HDAC9: variants seen among roughly 807,000 people sequenced by gnomAD.
HDAC9 encodes the protein MEF-2 interacting transcription repressor (MITR) protein.
Under a neutral mutation model 139.4 loss-of-function variants are expected in HDAC9, and 41 were observed. The ratio of observed to expected loss-of-function variants is 0.29; its 90% CI spans 0.23 to 0.38. HDAC9 has a LOEUF of 0.38. Among genes scored for constraint, HDAC9 ranks in the 10% least tolerant of loss-of-function variants. HDAC9 has a pLI of 1.00. For missense variants in HDAC9, 1,147 were observed against 1,297.0 expected (o/e 0.88, Z 1.78); for synonymous variants, 517 against 476.2 (o/e 1.09, Z -1.12).
rs1362363816 is a variant in HDAC9, at chr7:18,666,295, C to T, written c.1550C>T (p.Ala517Val). 4.3e-6 allele frequency: 7 copies of T among 1,613,364 alleles called. No individual in the cohort carries two copies. The highest frequency in any genetic ancestry group is 3.3e-5 in the Admixed American group (2 of 59,966). Residue 517 changes from alanine (A) to valine (V), a missense_variant, in exon 12 of 26, where the codon GCG becomes GTG. Ala to Val is a moderately conservative substitution (Grantham distance 64). Around this residue, in one of 7 missense-constraint regions of HDAC9, gnomAD observed 256 missense variants for 219.2 expected, o/e 1.17. Coordinates refer to ENST00000686413, the MANE Select transcript of HDAC9 (RefSeq NM_178425.4). Reference sequence around the variant, plus strand: ...GAGGAAGAGCTTCAGGGGGACCAGGCGATGCAGGAAGACAGAGCGCCCTCT... The same window carrying T: ...GAGGAAGAGCTTCAGGGGGACCAGGTGATGCAGGAAGACAGAGCGCCCTCT... Reference protein sequence around the residue: ...EAEEELQGDQAMQEDRAPSSG... With the variant: ...EAEEELQGDQVMQEDRAPSSG...
intron 8 of HDAC9, among the ~76,000 whole-genome samples, chr7:18,642,126 A>G (rs1785822664): frequency 6.6e-6 from 1 of 152,086 alleles, no homozygotes; most frequent in African/African-American, 2.4e-5. Context: ...ACGACATACC[A>G]GTTAAGAGTC....
chr7:18,820,424 C>A (rs963440065), intron 17 of HDAC9, among the ~76,000 whole-genome samples: 13 of 152,126 alleles, frequency 8.5e-5, no homozygotes, highest in Non-Finnish European at 8.8e-5. Flanking sequence ...GAATAGTAAT[C>A]TTATTTTAAA....
intron 19 of HDAC9, among the ~76,000 whole-genome samples, chr7:18,833,912 A>G (rs923765697): frequency 6.6e-6 from 1 of 152,248 alleles, no homozygotes; most frequent in African/African-American, 2.4e-5. Flanking sequence ...AGGTCATATA[A>G]GTCTCCTATG....
chr7:18,736,940 A>T (rs1162790453), intron 13 of HDAC9, among the ~76,000 whole-genome samples: 2 of 152,024 alleles, frequency 1.3e-5, no homozygotes, highest in Non-Finnish European at 2.9e-5. Flanking sequence ...CATAGATTCA[A>T]CTTCTTCCGG....
At chr7:18,889,103 C>G (rs1800440556) in intron 22 of HDAC9, among the ~76,000 whole-genome samples, 1 of 152,198 alleles carries the variant, frequency 6.6e-6, no homozygotes, top group African/African-American at 2.4e-5. Context: ...ACTCTCTACC[C>G]TACTCTATGC....
In HDAC9 at chr7:18,114,318, A is replaced by G. The variant is rs905230545; in HGVS notation, c.-97+27105A>G. On this transcript the variant is annotated intron_variant, in intron 1 of 12. Transcript: ENST00000417496. ...ACCTCATTGGCCACCCTTGGCTACA[A>G]TAGAGTTTGGGAATGTGAATATTTA... 1.1e-4 allele frequency among the ~76,000 whole-genome samples: 17 copies of G among 152,352 alleles called. 1 individual carries two copies. The East Asian group carries it at 3.1e-3, about 28-fold the overall frequency.
At chr7:18,965,219 G>A (rs919371899) in intron 24 of HDAC9, among the ~76,000 whole-genome samples, 1 of 152,050 alleles carries the variant, frequency 6.6e-6, no homozygotes, top group Non-Finnish European at 1.5e-5. Flanking sequence ...CTATGTACAG[G>A]GAGATAATTC....
intron 1 of HDAC9, among the ~76,000 whole-genome samples, chr7:18,484,903 T>TAAATTTA (rs1214023404): frequency 2.0e-5 from 3 of 151,954 alleles, no homozygotes; most frequent in Non-Finnish European, 4.4e-5. Context: ...TCTAGGGTTT[T>TAAATTTA]GAATTTAAAA....
chr7:18,186,331 T>G (rs955760041), intron 2 of HDAC9, among the ~76,000 whole-genome samples: 3 of 152,246 alleles, frequency 2.0e-5, no homozygotes, highest in African/African-American at 7.2e-5. Context: ...AGTCTTGATA[T>G]TTCCCAACTG....
intron 1 of HDAC9, among the ~76,000 whole-genome samples, chr7:18,138,527 G>GGTGTGT (rs71014309): frequency 0.1 from 14,901 of 142,482 alleles, 882 homozygotes; most frequent in East Asian, 0.14. Flanking sequence ...GAGAGAGAGA[G>GGTGTGT]GTGTGTGTGT....
intron 25 of HDAC9, among the ~76,000 whole-genome samples, chr7:18,994,417 A>C (rs1027823456): frequency 6.6e-6 from 1 of 152,184 alleles, no homozygotes; most frequent in African/African-American, 2.4e-5. Flanking sequence ...TTGATAGAAA[A>C]GACTTTTCTG....
intron 17 of HDAC9, 34 bp from the exon 18 acceptor site, chr7:18,829,127 A>G (rs1320240345): frequency 1.3e-6 from 2 of 1,513,332 alleles, no homozygotes; most frequent in South Asian, 2.2e-5. Flanking sequence ...TCTCCATTAT[A>G]TCTGACCATT....
chr7:18,748,927 T>C lies in HDAC9; in HGVS notation c.1910-78T>C, dbSNP rs1445151274. ...TTTAAGAATAATGACTTTTTTGGAG[T>C]TATCATATTATCTCCTAACATGTGT... On this transcript the variant is annotated intron_variant, in intron 13 of 25. Transcript: ENST00000686413. The C allele has an allele frequency of 2.3e-6, 3 of 1,316,312 alleles. No individual in the cohort carries two copies. The Admixed American group carries it at 7.0e-5, about 31-fold the overall frequency. The allele number at this position is 1,316,312 out of a possible 1,614,324, so 81.5% of individuals were successfully genotyped here.
chr7:18,194,711 A>T (rs535254806), intron 2 of HDAC9, among the ~76,000 whole-genome samples: 2 of 152,318 alleles, frequency 1.3e-5, no homozygotes, highest in African/African-American at 4.8e-5. Flanking sequence ...TTAAATAAAC[A>T]GGCAAACAGC....
At chr7:18,195,189 G>A (rs1364881670) in intron 2 of HDAC9, among the ~76,000 whole-genome samples, 1 of 152,072 alleles carries the variant, frequency 6.6e-6, no homozygotes, top group African/African-American at 2.4e-5. Flanking sequence ...ACCTCTTTGT[G>A]TATCTGACAG....
At chr7:18,526,057 G>A (rs574950676) in intron 2 of HDAC9, among the ~76,000 whole-genome samples, 275 of 152,232 alleles carry the variant, frequency 1.8e-3, no homozygotes, top group Non-Finnish European at 2.0e-3. Context: ...GTACTTTTTA[G>A]GGGTACATAA....
chr7:18,962,939 A>C (rs1212185479), intron 24 of HDAC9, among the ~76,000 whole-genome samples: 1 of 152,136 alleles, frequency 6.6e-6, no homozygotes, highest in Non-Finnish European at 1.5e-5. Context: ...TCCTGGTCTT[A>C]CTGTGATGTC....
At chr7:18,137,535 A>G (rs1050885649) in intron 1 of HDAC9, among the ~76,000 whole-genome samples, 1 of 151,940 alleles carries the variant, frequency 6.6e-6, no homozygotes, top group Non-Finnish European at 1.5e-5. Context: ...ATTTTGTCAA[A>G]GGCCTTTTCT....
At chr7:18,632,655 G>T (rs1245741376) in intron 7 of HDAC9, among the ~76,000 whole-genome samples, 1 of 152,034 alleles carries the variant, frequency 6.6e-6, no homozygotes, top group African/African-American at 2.4e-5. Context: ...ATAATATTAG[G>T]CTCTATTTTG....
Sources: gnomAD v4.1 joint callset for allele counts (sites outside exome capture counted in the v4.1 genomes callset) on GRCh38, gnomAD v4.1.1 for gene constraint, gnomAD v4.1.1 regional missense constraint, MANE v1.5 for transcripts, NCBI Gene and HGNC (gene_info 2026-07-23, HGNC 2026-07-21) for gene names.